The following ATP9A variants were observed in gnomAD, a reference collection of about 807,000 sequenced individuals.
ATP9A encodes probable phospholipid-transporting ATPase IIA.
In ATP9A, 52 loss-of-function variants were observed where a neutral mutation model predicts 144.1. That is an observed-to-expected ratio of 0.36 (90% CI 0.29 to 0.45). ATP9A has a LOEUF of 0.45. Among genes scored for constraint, ATP9A ranks in the 20% least tolerant of loss-of-function variants. The pLI, the probability that ATP9A is intolerant of heterozygous loss-of-function variation, is 1.00. For synonymous variants in ATP9A, 582 were observed against 557.4 expected, an observed-to-expected ratio of 1.04 and a Z score of -0.62; for missense variants, 947 against 1,392.7, an observed-to-expected ratio of 0.68 and a Z score of 5.09.
intron 4 of ATP9A, among the ~76,000 whole-genome samples, chr20:51,704,384 G>T (rs77744227): frequency 3.4e-5 from 5 of 148,244 alleles, no homozygotes; most frequent in South Asian, 2.1e-4. Flanking sequence ...GTGTTTTGTT[G>T]TTTTTTTTTT....
chr20:51,684,073 T>C (rs1389560104), intron 9 of ATP9A, among the ~76,000 whole-genome samples: 1 of 152,140 alleles, frequency 6.6e-6, no homozygotes, highest in African/African-American at 2.4e-5. Flanking sequence ...TAGTCGCAGC[T>C]ACTCAGAAGG....
chr20:51,747,833 A>C lies in ATP9A; in HGVS notation c.69-17855T>G, dbSNP rs531861752. ...TCAAGTCCAAGGCTCTCACCTTCTC[A>C]CCTTTTCATCTCTGCTGTCCCTTTA... is the stretch of plus-strand genomic sequence containing the variant. On this transcript the variant is annotated intron_variant, in intron 1 of 27. Transcript: ENST00000338821. Among the ~76,000 whole-genome samples, 7 of 152,138 alleles carry C rather than the reference A, an allele frequency of 4.6e-5. No individual in the cohort carries two copies. In the South Asian group the frequency reaches 1.5e-3, roughly 32 times the overall value.
intron 10 of ATP9A, among the ~76,000 whole-genome samples, 165 bp from the exon 11 acceptor site, chr20:51,674,478 T>C (rs1446891193): frequency 3.3e-5 from 5 of 152,126 alleles, no homozygotes; most frequent in Admixed American, 2.6e-4. Flanking sequence ...GGTAGGACAG[T>C]GGGATCCATC....
chr20:51,729,695 A>C (rs2077731652), intron 2 of ATP9A, 139 bp downstream of exon 2: 1 of 968,452 alleles, frequency 1.0e-6, no homozygotes, highest in Admixed American at 3.9e-5. Flanking sequence ...CAGTGAGCCA[A>C]GATTGCGCCA....
chr20:51,763,543 G>T (rs1297784387), intron 1 of ATP9A, among the ~76,000 whole-genome samples: 1 of 151,922 alleles, frequency 6.6e-6, no homozygotes, highest in East Asian at 1.9e-4. Context: ...TGGATCTCCT[G>T]ACCTCCTGAT....
At chr20:51,613,257 A>G (rs188219385) in intron 23 of ATP9A, among the ~76,000 whole-genome samples, 40 of 152,296 alleles carry the variant, frequency 2.6e-4, no homozygotes, top group African/African-American at 9.4e-4. Context: ...CCAGGGCCTG[A>G]ATAGTCATTC....
At position 51,600,000 on chromosome 20, in the gene ATP9A, G is replaced by A. The variant is rs1036478346; in HGVS notation, c.*1211C>T. On this transcript the variant is annotated 3_prime_UTR_variant, in exon 28 of 28. Coordinates refer to ENST00000338821, the MANE Select transcript of ATP9A (RefSeq NM_006045.3). ...GCCACAGCTTTATAAGAAACATGCC[G>A]GCATGTAGTCCATCCTGGGAGGGGA... 10 of 152,136 alleles carry A rather than the reference G, an allele frequency of 6.6e-5. No individual in the cohort carries two copies. The highest frequency in any genetic ancestry group is 2.2e-4 in the African/African-American group (9 of 41,412). The allele number at this position is 152,136 out of a possible 1,614,324, so 9.4% of individuals were successfully genotyped here. A position where few individuals can be genotyped will look rare whatever the true frequency, so the allele number is the denominator to read the frequency against.
intron 1 of ATP9A, among the ~76,000 whole-genome samples, chr20:51,746,655 C>G (rs1183487625): frequency 6.6e-6 from 1 of 152,202 alleles, no homozygotes; most frequent in Non-Finnish European, 1.5e-5. Flanking sequence ...CTAGCTAACA[C>G]AGTGAAACCT....
In ATP9A at chr20:51,676,143, G is replaced by A; in HGVS notation, c.865C>T (p.Pro289Ser). The change falls in exon 10 of 28, where the codon CCC (proline) becomes TCC (serine). Residue 289 changes from proline to serine, a missense_variant. Physicochemically the swap from Pro to Ser is moderately conservative, Grantham distance 74. Coordinates refer to ENST00000338821, the MANE Select transcript of ATP9A (RefSeq NM_006045.3). The part of the protein sequence containing the change: ...ELRSVMNTSN[P>S]RSKIGLFDLE... The stretch of plus-strand genomic sequence containing the variant: ...GACCTCGTACACACCTTACTTCGGG[G>A]ATTTGAGGTATTCATGACACTCCGG... 6.2e-7 allele frequency: 1 copy of A among 1,611,434 alleles called. No individual in the cohort carries two copies. The highest frequency in any genetic ancestry group is 8.5e-7 in the Non-Finnish European group (1 of 1,178,838).
chr20:51,621,327 T>C (rs1336017692), intron 19 of ATP9A, among the ~76,000 whole-genome samples: 2 of 152,088 alleles, frequency 1.3e-5, no homozygotes, highest in South Asian at 2.1e-4. Flanking sequence ...CAAAAATCCC[T>C]GGATTTTTTG....
chr20:51,671,280 C>G (rs376548898), intron 11 of ATP9A, 23 bp from the exon 12 acceptor site: 11 of 1,608,290 alleles, frequency 6.8e-6, no homozygotes, highest in African/African-American at 1.3e-5. Flanking sequence ...CCAGAGCAAA[C>G]AGGCTAACAG....
intron 1 of ATP9A, among the ~76,000 whole-genome samples, chr20:51,730,439 G>C (rs1220251891): frequency 6.6e-6 from 1 of 152,228 alleles, no homozygotes; most frequent in Non-Finnish European, 1.5e-5. Flanking sequence ...CTGCACTCCA[G>C]CCTGGCGAAA....
chr20:51,669,847 G>A (rs2077448385), intron 13 of ATP9A, 150 bp downstream of exon 13: 1 of 650,286 alleles, frequency 1.5e-6, no homozygotes, highest in Admixed American at 2.8e-5. Context: ...TGCAGTGACA[G>A]TTGCTCAACT....
rs776096893 is a variant in ATP9A, at chr20:51,639,360, T to C, written c.1651A>G (p.Met551Val). Residue 551 changes from methionine to valine, a missense_variant, in exon 15 of 28, where the codon ATG becomes GTG. Physicochemically the swap from Met to Val is conservative, Grantham distance 21. Coordinates refer to ENST00000338821, the MANE Select transcript of ATP9A (RefSeq NM_006045.3). ...IFPFTYESKR[M>V]GIIVRDESTG... ...CGACTCACCCGCACGATGATGCCCA[T>C]ACGTTTGCTTTCATAGGTGAAAGGG... 4 of 1,613,468 alleles carry C rather than the reference T, an allele frequency of 2.5e-6. No homozygotes were observed. The highest frequency in any genetic ancestry group is 2.5e-6 in the Non-Finnish European group (3 of 1,179,798).
At chr20:51,759,970 A>C (rs896975205) in intron 1 of ATP9A, among the ~76,000 whole-genome samples, 1 of 152,078 alleles carries the variant, frequency 6.6e-6, no homozygotes, top group East Asian at 1.9e-4. Context: ...CCCCAGACAC[A>C]CACATTCCCA....
At chr20:51,651,191 T>G (rs2077363190) in intron 14 of ATP9A, among the ~76,000 whole-genome samples, 1 of 101,994 alleles carries the variant, frequency 9.8e-6, no homozygotes, top group African/African-American at 3.0e-5. Context: ...AAGTAAATAT[T>G]ATTTTATATA....
At chr20:51,615,618 G>A (rs1458424377) in intron 22 of ATP9A, among the ~76,000 whole-genome samples, 2 of 152,070 alleles carry the variant, frequency 1.3e-5, no homozygotes, top group African/African-American at 2.4e-5. Context: ...GAAAAGATGC[G>A]TTTTACTTCT....
Position 51,722,738 on chromosome 20 carries a change from G to A in ATP9A, c.327+3081C>T, listed in dbSNP as rs149138330. ...AGTGAACAGGGAACACTTCTACACT[G>A]CTGGTGGGAATGTAAATACAACCAC... On this transcript the variant is annotated intron_variant, in intron 3 of 27. Coordinates refer to ENST00000338821, the MANE Select transcript of ATP9A (RefSeq NM_006045.3). Among the ~76,000 whole-genome samples the A allele has an allele frequency of 1.1e-4, 17 of 152,330 alleles. No individual in the cohort carries two copies. The East Asian group carries it at 3.3e-3, about 29-fold the overall frequency.
At chr20:51,754,283 C>T (rs1273845081) in intron 1 of ATP9A, among the ~76,000 whole-genome samples, 1 of 151,898 alleles carries the variant, frequency 6.6e-6, no homozygotes, top group Non-Finnish European at 1.5e-5. Context: ...AGGTGGATCA[C>T]CTGAGGTCGG....
Sources: gnomAD v4.1 joint callset for allele counts (sites outside exome capture counted in the v4.1 genomes callset) on GRCh38, gnomAD v4.1.1 for gene constraint, MANE v1.5 for transcripts, NCBI Gene and HGNC (gene_info 2026-07-23, HGNC 2026-07-21) for gene names.